The following LAMA2 variants were observed in gnomAD, a reference collection of about 807,000 sequenced individuals.
LAMA2 encodes laminin subunit alpha 2.
LAMA2 carries 269 observed loss-of-function variants against 364.8 expected under a neutral mutation model. The ratio of observed to expected loss-of-function variants is 0.74; its 90% CI spans 0.67 to 0.82. The LOEUF (loss-of-function observed/expected upper bound fraction) is 0.82. LAMA2 is among the 40% of genes least tolerant of loss of function. The probability of loss-of-function intolerance (pLI) is 0.00; values close to 1 mark genes in which losing one functional copy is unlikely to be tolerated. For synonymous variants in LAMA2, 1,379 were observed against 1,370.6 expected, an observed-to-expected ratio of 1.01 and a Z score of -0.14; for missense variants, 3,807 against 3,873.2, an observed-to-expected ratio of 0.98 and a Z score of 0.45.
intron 1 of LAMA2, among the ~76,000 whole-genome samples, chr6:128,944,541 T>A (rs1780373581): frequency 6.6e-6 from 1 of 151,626 alleles, no homozygotes; most frequent in African/African-American, 2.4e-5. Flanking sequence ...ACGCCTGTAA[T>A]CCCAGGATTT....
intron 1 of LAMA2, among the ~76,000 whole-genome samples, chr6:129,016,359 C>T (rs1204833810): frequency 6.6e-6 from 1 of 151,940 alleles, no homozygotes; most frequent in African/African-American, 2.4e-5. Flanking sequence ...AATAGGTGCA[C>T]ATGTGTACAA....
chr6:129,306,344 G>GTTT (rs1379799015), intron 22 of LAMA2, among the ~76,000 whole-genome samples: 1 of 103,490 alleles, frequency 9.7e-6, no homozygotes, highest in African/African-American at 4.2e-5. Flanking sequence ...GTTCCAGAAA[G>GTTT]GTGTTTTTTT....
chr6:129,159,161 A>G, intron 8 of LAMA2: 1 of 1,482,462 alleles, frequency 6.7e-7, no homozygotes, highest in South Asian at 1.1e-5. Flanking sequence ...CACCTTTAGT[A>G]ATTGGTCTTG....
At chr6:129,108,180 CTT>C (rs1157865240) in intron 4 of LAMA2, among the ~76,000 whole-genome samples, 1 of 151,642 alleles carries the variant, frequency 6.6e-6, no homozygotes, top group African/African-American at 2.4e-5. Context: ...ATAATTTTAT[CTT>C]GGCATATTTA....
At chr6:129,351,488 A>G (rs1380348443) in intron 31 of LAMA2, among the ~76,000 whole-genome samples, 1 of 152,192 alleles carries the variant, frequency 6.6e-6, no homozygotes, top group East Asian at 1.9e-4. Context: ...ATAAATGATC[A>G]GGTTATATTT....
chr6:129,281,439 G>T (rs1258533646), intron 18 of LAMA2, among the ~76,000 whole-genome samples: 1 of 152,060 alleles, frequency 6.6e-6, no homozygotes, highest in Non-Finnish European at 1.5e-5. Flanking sequence ...ATATTGCTTT[G>T]CTTTATGTAC....
chr6:129,262,864 G>T (rs1787228942), intron 15 of LAMA2, among the ~76,000 whole-genome samples: 1 of 151,976 alleles, frequency 6.6e-6, no homozygotes, highest in Non-Finnish European at 1.5e-5. Context: ...GAGAACCTCT[G>T]GCCAAAAAAG....
chr6:128,992,276 A>T (rs952251488), intron 1 of LAMA2, among the ~76,000 whole-genome samples: 1 of 152,182 alleles, frequency 6.6e-6, no homozygotes, highest in Non-Finnish European at 1.5e-5. Context: ...ACCTTATATT[A>T]ATTTTTATGA....
intron 9 of LAMA2, among the ~76,000 whole-genome samples, chr6:129,176,557 T>A (rs1780605434): frequency 6.6e-6 from 1 of 152,140 alleles, no homozygotes; most frequent in South Asian, 2.1e-4. Context: ...ATTTCCAATA[T>A]ATTTTGTTGT....
intron 1 of LAMA2, among the ~76,000 whole-genome samples, chr6:128,917,187 A>G (rs1207771802): frequency 6.6e-6 from 1 of 151,978 alleles, no homozygotes; most frequent in East Asian, 1.9e-4. Context: ...AAAAAAAAAA[A>G]AAACTAATTA....
chr6:128,961,962 A>G (rs1047232712), intron 1 of LAMA2, among the ~76,000 whole-genome samples: 6 of 151,072 alleles, frequency 4.0e-5, no homozygotes, highest in Admixed American at 4.0e-4. Flanking sequence ...AATTTCAGAG[A>G]CATTCTGGGG....
intron 10 of LAMA2, among the ~76,000 whole-genome samples, chr6:129,179,907 A>T (rs952586827): frequency 1.3e-5 from 2 of 152,176 alleles, no homozygotes; most frequent in Non-Finnish European, 2.9e-5. Context: ...ACAATATGCC[A>T]CGATGAGTTA....
intron 1 of LAMA2, chr6:128,930,052 G>A: frequency 2.6e-6 from 1 of 382,292 alleles, no homozygotes; most frequent in Non-Finnish European, 4.8e-6. Context: ...GGCGCCCGCA[G>A]CCCTGCAGGG....
At chr6:128,935,998 A>G (rs530746474) in intron 1 of LAMA2, among the ~76,000 whole-genome samples, 27 of 152,258 alleles carry the variant, frequency 1.8e-4, no homozygotes, top group African/African-American at 6.5e-4. Flanking sequence ...TTCTTGTGAT[A>G]GTGAGTGAGT....
intron 3 of LAMA2, among the ~76,000 whole-genome samples, chr6:129,069,212 G>A (rs1773139822): frequency 6.6e-6 from 1 of 151,948 alleles, no homozygotes; most frequent in African/African-American, 2.4e-5. Flanking sequence ...TGGAAAGTCT[G>A]AACAAGACTT....
At chr6:129,130,700 C>T (rs887754144) in intron 4 of LAMA2, among the ~76,000 whole-genome samples, 1 of 152,018 alleles carries the variant, frequency 6.6e-6, no homozygotes, top group African/African-American at 2.4e-5. Context: ...TTTTAAGGAA[C>T]CAAGTTCACA....
At chr6:128,913,374 T>C (rs1778108759) in intron 1 of LAMA2, among the ~76,000 whole-genome samples, 1 of 152,224 alleles carries the variant, frequency 6.6e-6, no homozygotes, top group South Asian at 2.1e-4. Context: ...TGGTGTACTT[T>C]GTCTCTAAAT....
chr6:129,276,572 C>T (rs1788342872), intron 17 of LAMA2, among the ~76,000 whole-genome samples: 2 of 151,948 alleles, frequency 1.3e-5, no homozygotes, highest in African/African-American at 4.8e-5. Flanking sequence ...AAGAAGTTTC[C>T]CTAATGTCTG....
At position 129,346,063 on chromosome 6, in the gene LAMA2, A is replaced by G. The variant is rs139911594; in HGVS notation, c.4437-3235A>G. Among the ~76,000 whole-genome samples, 15 of 152,308 alleles carry G rather than the reference A, an allele frequency of 9.8e-5. No homozygotes were observed. In the East Asian group the frequency reaches 2.7e-3, roughly 27 times the overall value. On this transcript the variant is annotated intron_variant, in intron 30 of 64. Coordinates refer to ENST00000421865, the MANE Select transcript of LAMA2 (RefSeq NM_000426.4). ...GTGATTACTGACTCATTTCCACGGC[A>G]TTAGTTCAAGTCCTCATTATCTCTT...
Sources: allele counts gnomAD v4.1 joint callset (sites outside exome capture counted in the v4.1 genomes callset), GRCh38; gene constraint gnomAD v4.1.1; transcripts MANE v1.5; gene names NCBI Gene and HGNC (gene_info 2026-07-23, HGNC 2026-07-21).